The following RNF38 variants were observed in gnomAD, a reference collection of about 807,000 sequenced individuals.
The protein encoded by RNF38 is ring finger protein 38.
RNF38 carries 15 observed loss-of-function variants against 67.2 expected under a neutral mutation model. The ratio of observed to expected loss-of-function variants is 0.22; its 90% CI spans 0.15 to 0.34. The LOEUF (loss-of-function observed/expected upper bound fraction) is 0.34. Among genes scored for constraint, RNF38 ranks in the 10% least tolerant of loss-of-function variants. RNF38 has a pLI of 1.00. For missense variants in RNF38, 524 were observed against 639.9 expected (o/e 0.82, Z 1.95); for synonymous variants, 220 against 218.8 (o/e 1.01, Z -0.05).
chr9:36,485,851 T>A (rs753537161), intron 1 of RNF38, among the ~76,000 whole-genome samples: 1 of 152,150 alleles, frequency 6.6e-6, no homozygotes, highest in Admixed American at 6.6e-5. Flanking sequence ...CTCCAGGCCC[T>A]GTGGGTCTGC....
chr9:36,355,183 G>A (rs1347151896), intron 6 of RNF38, among the ~76,000 whole-genome samples: 2 of 152,170 alleles, frequency 1.3e-5, no homozygotes, highest in African/African-American at 4.8e-5. Context: ...TTGGTACCCA[G>A]CATGGTATAG....
intron 2 of RNF38, among the ~76,000 whole-genome samples, chr9:36,412,600 A>G (rs1189512152): frequency 6.6e-6 from 1 of 152,218 alleles, no homozygotes; most frequent in African/African-American, 2.4e-5. Context: ...GAAGAGCGAG[A>G]TGAGATCTCG....
intron 1 of RNF38, among the ~76,000 whole-genome samples, chr9:36,440,100 GC>G (rs2134294186): frequency 6.6e-6 from 1 of 152,216 alleles, no homozygotes; most frequent in South Asian, 2.1e-4. Context: ...ACAAAAATCA[GC>G]CAGGTGTGGT....
chr9:36,485,505 T>C (rs1452467666), intron 1 of RNF38, among the ~76,000 whole-genome samples: 1 of 152,206 alleles, frequency 6.6e-6, no homozygotes, highest in African/African-American at 2.4e-5. Flanking sequence ...GCCAACCTGA[T>C]CGGTGTGAAA....
chr9:36,400,275 AGAGGACCCTTTC>A, upstream of RNF38: 1 of 1,335,214 alleles, frequency 7.5e-7, no homozygotes, highest in South Asian at 2.0e-5. Context: ...AGGACGCCAG[AGAGGACCCTTTC>A]GACCGGGTTC....
Position 36,342,421 on chromosome 9 carries a change from A to G in RNF38, c.1389T>C (p.Cys463=). 6.2e-7 allele frequency: 1 copy of G among 1,610,156 alleles called. No individual in the cohort carries two copies. Among genetic ancestry groups the G allele is most frequent in the South Asian group, 1.1e-5 (1 of 90,994 alleles). Reference sequence around the variant, plus strand: ...ACTCAAAATCACACATGCATACTACACACCTAAAAAAAGCAAAAAGATCAT... The same window carrying G: ...ACTCAAAATCACACATGCATACTACGCACCTAAAAAAAGCAAAAAGATCAT... ...PNNHQSEQTL[C]VVCMCDFESR... Residue 463 remains cysteine, a synonymous_variant, in exon 11 of 12, where the codon TGT becomes TGC. Transcript: ENST00000259605.
At chr9:36,374,886 A>G (rs1835670200) in intron 3 of RNF38, among the ~76,000 whole-genome samples, 1 of 152,060 alleles carries the variant, frequency 6.6e-6, no homozygotes, top group Non-Finnish European at 1.5e-5. Context: ...ATACAACCAC[A>G]CTGAGGGTTA....
intron 1 of RNF38, among the ~76,000 whole-genome samples, chr9:36,427,702 TCTAC>T (rs764172623): frequency 7.2e-6 from 1 of 139,412 alleles, no homozygotes; most frequent in Non-Finnish European, 1.5e-5. Context: ...TATCTATCTA[TCTAC>T]CTACCTATCT....
chr9:36,487,215 G>T, intron 1 of RNF38: 1 of 799,970 alleles, frequency 1.3e-6, no homozygotes, highest in Non-Finnish European at 1.5e-6. Context: ...CTCCCCGTCG[G>T]CGGGGCCGGG....
At chr9:36,439,905 G>C (rs934467787) in intron 1 of RNF38, among the ~76,000 whole-genome samples, 1 of 151,640 alleles carries the variant, frequency 6.6e-6, no homozygotes, top group East Asian at 1.9e-4. Context: ...CATTTTATTG[G>C]TATCCATTGA....
chr9:36,336,500 A>ATTAC lies in RNF38; in HGVS notation c.*3248_*3251dup, dbSNP rs1832449709. ...AATTCATTGCACTACTTAGTAAAGC[A>ATTAC]TTACTAGTAACTTTCATAAAAAATG... On this transcript the variant is annotated 3_prime_UTR_variant, in exon 12 of 12. Transcript: ENST00000259605. The ATTAC allele has an allele frequency of 6.6e-6, 1 of 152,606 alleles. No individual in the cohort carries two copies. The allele number at this position is 152,606 out of a possible 1,614,324, so 9.5% of individuals were successfully genotyped here.
intron 1 of RNF38, among the ~76,000 whole-genome samples, chr9:36,456,418 CTG>C (rs1464003545): frequency 6.6e-6 from 1 of 152,230 alleles, no homozygotes; most frequent in Non-Finnish European, 1.5e-5. Context: ...ATATGCATTT[CTG>C]TGTGTTATAA....
chr9:36,453,004 C>T (rs1042519514), intron 1 of RNF38, among the ~76,000 whole-genome samples: 10 of 152,046 alleles, frequency 6.6e-5, no homozygotes, highest in African/African-American at 1.7e-4. Context: ...TTTTCAATTA[C>T]GTTGGGTATC....
chr9:36,427,392 C>T (rs994108744), intron 1 of RNF38, among the ~76,000 whole-genome samples: 1 of 152,158 alleles, frequency 6.6e-6, no homozygotes, highest in Non-Finnish European at 1.5e-5. Context: ...TTCTCCTGTA[C>T]AAGCTGCTTA....
At chr9:36,401,308 G>GC (rs1220224431), upstream of RNF38, 13 of 621,522 alleles carry the variant, frequency 2.1e-5, no homozygotes, top group Admixed American at 6.6e-4. Context: ...GCCCCAGCCC[G>GC]CCCCCCGCTG....
intron 1 of RNF38, among the ~76,000 whole-genome samples, chr9:36,439,795 A>G (rs1175427535): frequency 8.6e-5 from 13 of 151,724 alleles, no homozygotes; most frequent in African/African-American, 3.1e-4. Context: ...TGTCTCAAAA[A>G]AAAAAAAAAA....
intron 1 of RNF38, among the ~76,000 whole-genome samples, chr9:36,436,178 C>A (rs1839061280): frequency 6.6e-6 from 1 of 152,018 alleles, no homozygotes; most frequent in Admixed American, 6.6e-5. Flanking sequence ...AGGCTTTTAT[C>A]AAAATTAAGT....
At chr9:36,354,352 T>C (rs1347666726) in intron 6 of RNF38, among the ~76,000 whole-genome samples, 1 of 152,186 alleles carries the variant, frequency 6.6e-6, no homozygotes, top group Non-Finnish European at 1.5e-5. Flanking sequence ...CCACCACACC[T>C]GGCTACTTTT....
intron 1 of RNF38, among the ~76,000 whole-genome samples, chr9:36,454,792 C>T (rs1839546037): frequency 6.6e-6 from 1 of 151,944 alleles, no homozygotes; most frequent in East Asian, 1.9e-4. Context: ...CCATGTTGGC[C>T]AGGCTGGTCT....
Sources: allele counts gnomAD v4.1 joint callset (sites outside exome capture counted in the v4.1 genomes callset), GRCh38; gene constraint gnomAD v4.1.1; transcripts MANE v1.5; gene names NCBI Gene and HGNC (gene_info 2026-07-23, HGNC 2026-07-21).